Variants in KALRN observed in about 807,000 individuals in gnomAD.
KALRN encodes the protein kalirin RhoGEF kinase, also known as kalirin.
In KALRN, 70 loss-of-function variants were observed where a neutral mutation model predicts 353.7. The ratio of observed to expected loss-of-function variants is 0.20; its 90% CI spans 0.16 to 0.24. The LOEUF is 0.24. Ranked by LOEUF, KALRN falls within the 10% of genes least tolerant of loss-of-function variation. The pLI, the probability that KALRN is intolerant of heterozygous loss-of-function variation, is 1.00. For synonymous variants in KALRN, 1,391 were observed against 1,434.8 expected (o/e 0.97, Z 0.69); for missense variants, 2,791 against 3,756.7 (o/e 0.74, Z 6.72).
At chr3:124,210,010 G>T (rs1363341091) in intron 1 of KALRN, among the ~76,000 whole-genome samples, 2 of 152,188 alleles carry the variant, frequency 1.3e-5, no homozygotes, top group African/African-American at 4.8e-5. Flanking sequence ...AGAGTAAAGG[G>T]TTAAGAAGAT....
chr3:124,657,692 G>C (rs1350455684), intron 40 of KALRN, 42 bp from the exon 41 acceptor site: 1 of 1,480,782 alleles, frequency 6.8e-7, no homozygotes, highest in Admixed American at 1.7e-5. Flanking sequence ...ATACAGTTCT[G>C]AATAATGTGG....
chr3:124,139,637 G>C (rs1343196776), intron 1 of KALRN, among the ~76,000 whole-genome samples: 1 of 152,140 alleles, frequency 6.6e-6, no homozygotes, highest in African/African-American at 2.4e-5. Context: ...TCAGATACAT[G>C]GTAGAAAAAC....
At chr3:124,518,465 C>G in intron 33 of KALRN, 2 of 1,614,054 alleles carry the variant, frequency 1.2e-6, no homozygotes, top group Non-Finnish European at 1.7e-6. Flanking sequence ...ACGTTTAGCG[C>G]GCATCCTGGG....
intron 33 of KALRN, among the ~76,000 whole-genome samples, chr3:124,544,016 A>G (rs2069347552): frequency 6.6e-6 from 1 of 152,218 alleles, no homozygotes; most frequent in African/African-American, 2.4e-5. Flanking sequence ...AGCATGACCC[A>G]TATATGTAAC....
chr3:124,584,687 C>CGCGGTGCGGGGAGA, intron 34 of KALRN: 3 of 1,433,214 alleles, frequency 2.1e-6, no homozygotes, highest in Non-Finnish European at 2.7e-6. Context: ...GAGCTGCGGC[C>CGCGGTGCGGGGAGA]GCGGTGCGGG....
chr3:124,165,773 C>T (rs1490537046), intron 1 of KALRN, among the ~76,000 whole-genome samples: 1 of 152,218 alleles, frequency 6.6e-6, no homozygotes, highest in Non-Finnish European at 1.5e-5. Context: ...TGGATCATGT[C>T]TCTTGGGCTT....
chr3:124,446,817 A>G lies in KALRN; in HGVS notation c.3484A>G (p.Thr1162Ala). The G allele has an allele frequency of 6.2e-7, 1 of 1,613,786 alleles. No individual in the cohort carries two copies. The highest frequency in any genetic ancestry group is 8.5e-7 in the Non-Finnish European group (1 of 1,179,746). The change falls in exon 21 of 60, where the codon ACT becomes GCT. Residue 1162 changes from threonine (T) to alanine (A), a missense_variant. This residue lies in a region of KALRN where 268 missense variants were observed against 347.0 expected (regional missense o/e 0.77). Coordinates refer to ENST00000682506, the MANE Select transcript of KALRN (RefSeq NM_001388419.1). ...ATTTTACCTCTCAACACATACCTCC[A>G]CTGGAGAGACCACAGAGGAGACTCA... ...GEFYLSTHTS[T>A]GETTEETQEL...
At chr3:124,490,608 G>A (rs1009899552) in intron 29 of KALRN, 86 bp from the exon 30 acceptor site, 17 of 1,242,638 alleles carry the variant, frequency 1.4e-5, no homozygotes, top group Middle Eastern at 2.9e-4. Context: ...CAATAAGAGA[G>A]GCCTTTCTCC....
chr3:124,623,822 A>G (rs537844082), intron 34 of KALRN, among the ~76,000 whole-genome samples: 1 of 152,344 alleles, frequency 6.6e-6, no homozygotes, highest in African/African-American at 2.4e-5. Context: ...CTACCTAAGT[A>G]GAAGAAGGAC....
intron 1 of KALRN, chr3:124,164,066 GCA>G: frequency 1.3e-6 from 1 of 751,436 alleles, no homozygotes; most frequent in Non-Finnish European, 1.6e-6. Flanking sequence ...AGCTATCACT[GCA>G]TCCAGATTGG....
chr3:124,580,206 C>T (rs911723499), intron 34 of KALRN, among the ~76,000 whole-genome samples: 1 of 152,170 alleles, frequency 6.6e-6, no homozygotes, highest in Admixed American at 6.5e-5. Flanking sequence ...TTTAACACAC[C>T]CTCCAGGTGA....
intron 1 of KALRN, among the ~76,000 whole-genome samples, chr3:124,050,605 T>C (rs1413413565): frequency 6.6e-6 from 1 of 152,158 alleles, no homozygotes; most frequent in Non-Finnish European, 1.5e-5. Context: ...GGTGGGAGTA[T>C]ATATAGTGGA....
At chr3:124,136,660 A>G (rs970465857) in intron 1 of KALRN, among the ~76,000 whole-genome samples, 1 of 152,160 alleles carries the variant, frequency 6.6e-6, no homozygotes, top group African/African-American at 2.4e-5. Flanking sequence ...GGGAGAAACA[A>G]TAACCAGTTT....
chr3:124,479,692 G>A (rs1295358327), intron 27 of KALRN, among the ~76,000 whole-genome samples: 1 of 150,368 alleles, frequency 6.7e-6, no homozygotes, highest in African/African-American at 2.4e-5. Flanking sequence ...TCCTAGAAAG[G>A]CTTACACATT....
intron 28 of KALRN, among the ~76,000 whole-genome samples, chr3:124,483,562 GAATAAT>G (rs1307169710): frequency 6.7e-6 from 1 of 148,308 alleles, no homozygotes; most frequent in Non-Finnish European, 1.5e-5. Flanking sequence ...AAAAAAATAA[GAATAAT>G]AATTAATAAA....
At chr3:124,182,307 G>A (rs1440080270) in intron 1 of KALRN, among the ~76,000 whole-genome samples, 1 of 152,174 alleles carries the variant, frequency 6.6e-6, no homozygotes, top group African/African-American at 2.4e-5. Flanking sequence ...TGGTCTCTTA[G>A]GAGGCTGCAA....
At chr3:124,290,972 C>A (rs2076370048) in intron 5 of KALRN, among the ~76,000 whole-genome samples, 1 of 152,170 alleles carries the variant, frequency 6.6e-6, no homozygotes, top group African/African-American at 2.4e-5. Flanking sequence ...AATATGAGCA[C>A]AACACCTACC....
Position 124,683,059 on chromosome 3 carries a change from T to G in KALRN, c.7377+3542T>G, listed in dbSNP as rs553690874. On this transcript the variant is annotated intron_variant, in intron 51 of 59. Transcript: ENST00000682506. ...CCATAGTTCAGCTTACTTCTTTACC[T>G]TGTACTGATTAAACTTTGGGGTGGG... 2.6e-5 allele frequency among the ~76,000 whole-genome samples: 4 copies of G among 152,094 alleles called. No homozygotes were observed. The South Asian group carries it at 8.3e-4, about 32-fold the overall frequency.
chr3:124,674,868 T>C (rs2086971605), intron 49 of KALRN: 3 of 373,018 alleles, frequency 8.0e-6, no homozygotes, highest in Admixed American at 4.6e-5. Context: ...TGTTCATTTT[T>C]CCCCCTTTCT....
Sources: allele counts gnomAD v4.1 joint callset (sites outside exome capture counted in the v4.1 genomes callset), GRCh38; gene constraint gnomAD v4.1.1; regional missense constraint gnomAD v4.1.1; transcripts MANE v1.5; gene names NCBI Gene and HGNC (gene_info 2026-07-23, HGNC 2026-07-21).